The following TMED6 variants were observed in gnomAD, a reference collection of about 807,000 sequenced individuals.
TMED6 encodes the protein transmembrane p24 trafficking protein 6, also known as transmembrane emp24 domain-containing protein 6.
In TMED6, 17 loss-of-function variants were observed where a neutral mutation model predicts 26.5. The observed-to-expected ratio is 0.64, with a 90% CI of 0.44 to 0.96. The LOEUF (loss-of-function observed/expected upper bound fraction) is 0.96, where lower values mean the gene tolerates loss of function less well. Among genes scored for constraint, TMED6 ranks in the 40% least tolerant of loss-of-function variants. The probability of loss-of-function intolerance (pLI) is 0.00; values close to 1 mark genes in which losing one functional copy is unlikely to be tolerated. For missense variants in TMED6, 309 were observed against 296.5 expected (o/e 1.04, Z -0.31); for synonymous variants, 107 against 106.2 (o/e 1.01, Z -0.04).
rs552441845 is a variant in TMED6 at position 69,350,779 on chromosome 16, T to C, written c.213+762A>G. ...AGCTTAGTAGTGGCTGCTGTTCTAATAGAAATTCAGAGGTAAGAAAAGTCT... is the reference window on the plus strand; with the variant it reads ...AGCTTAGTAGTGGCTGCTGTTCTAACAGAAATTCAGAGGTAAGAAAAGTCT... On this transcript the variant is annotated intron_variant, in intron 1 of 3. Transcript: ENST00000288025. Among the ~76,000 whole-genome samples the C allele has an allele frequency of 6.6e-5, 10 of 152,294 alleles. No individual in the cohort carries two copies. In the South Asian group the frequency reaches 1.9e-3, roughly 28 times the overall value.
intron 3 of TMED6, among the ~76,000 whole-genome samples, chr16:69,347,206 T>TA (rs1294451500): frequency 6.6e-6 from 1 of 152,178 alleles, no homozygotes; most frequent in Non-Finnish European, 1.5e-5. Flanking sequence ...GTGAATATAC[T>TA]AAAAAACCAC....
At chr16:69,347,067 T>C (rs545307622) in intron 3 of TMED6, among the ~76,000 whole-genome samples, 40 of 152,060 alleles carry the variant, frequency 2.6e-4, no homozygotes, top group African/African-American at 8.9e-4. Context: ...GGTAAATCTA[T>C]AGAGACAGTA....
At chr16:69,351,446 A>T in intron 1 of TMED6, 95 bp downstream of exon 1, 1 of 1,172,524 alleles carries the variant, frequency 8.5e-7, no homozygotes, top group South Asian at 1.4e-5. Flanking sequence ...AGCATAATAA[A>T]GACAACCAGA....
intron 2 of TMED6, 101 bp from the exon 3 acceptor site, chr16:69,348,037 G>T: frequency 7.9e-7 from 1 of 1,262,412 alleles, no homozygotes; most frequent in Non-Finnish European, 1.1e-6. Context: ...TCTACTACAG[G>T]ACCTTCTTTT....
chr16:69,346,396 T>G (rs76937793), intron 3 of TMED6, among the ~76,000 whole-genome samples: 2 of 152,226 alleles, frequency 1.3e-5, no homozygotes, highest in Non-Finnish European at 1.5e-5. Context: ...AAAGAGAGTA[T>G]TATTCAGCCA....
Position 69,343,381 on chromosome 16 carries a change from AG to A in TMED6, c.*25del. 1 of 1,587,766 alleles carries A rather than the reference AG, an allele frequency of 6.3e-7. No individual in the cohort carries two copies. The highest frequency in any genetic ancestry group is 1.1e-5 in the South Asian group (1 of 89,032). ...ATTCGACTAAGCCCCAGAAGAAAAC[AG>A]CCAGGGTGCTATAGTCACCTTAGCT... On this transcript the variant is annotated 3_prime_UTR_variant, in exon 4 of 4. Coordinates refer to ENST00000288025, the MANE Select transcript of TMED6 (RefSeq NM_144676.4).
rs115830108 is a variant in TMED6, at chr16:69,347,999, G to C, written c.341-63C>G. 433 of 1,562,406 alleles carry C rather than the reference G, an allele frequency of 2.8e-4. No homozygotes were observed. In the African/African-American group the frequency reaches 5.1e-3, roughly 19 times the overall value. ...TCCTCCCCTTTGTTAAGGATTCCCT[G>C]GAGGTATCTGTCCTCTAGTTTTGGA... On this transcript the variant is annotated intron_variant, in intron 2 of 3. Coordinates refer to ENST00000288025, the MANE Select transcript of TMED6 (RefSeq NM_144676.4).
chr16:69,351,550 G>A lies in TMED6; in HGVS notation c.204C>T (p.Phe68=), dbSNP rs1597233740. The part of the protein sequence containing the change: ...QFAHQTGYFY[F]SYEVQRTVGM... ...CCAGTCACCCACATACCTCGTAACTGAAATAGAAGTATCCAGTCTGGTGGG... is the reference window on the plus strand; with the variant it reads ...CCAGTCACCCACATACCTCGTAACTAAAATAGAAGTATCCAGTCTGGTGGG... The change falls in exon 1 of 4, where the codon TTC becomes TTT. Residue 68 remains phenylalanine (F), a synonymous_variant. Transcript: ENST00000288025. The A allele has an allele frequency of 6.2e-7, 1 of 1,614,036 alleles. No homozygotes were observed. The highest frequency in any genetic ancestry group is 1.7e-5 in the Admixed American group (1 of 60,000).
intron 1 of TMED6, 134 bp from the exon 2 acceptor site, chr16:69,349,785 G>A: frequency 1.8e-6 from 2 of 1,116,126 alleles, no homozygotes; most frequent in Admixed American, 2.5e-5. Context: ...ACCCCCTGCT[G>A]GGGTTTGGAG....
chr16:69,346,601 TAAAAATGC>T (rs1053800706), intron 3 of TMED6, among the ~76,000 whole-genome samples: 1 of 152,024 alleles, frequency 6.6e-6, no homozygotes, highest in Non-Finnish European at 1.5e-5. Context: ...CTGTCTCTAC[TAAAAATGC>T]AAAAATTAGC....
chr16:69,343,903 A>C (rs1050442936), intron 3 of TMED6, among the ~76,000 whole-genome samples: 1 of 152,164 alleles, frequency 6.6e-6, no homozygotes, highest in African/African-American at 2.4e-5. Context: ...GTCACAGCTC[A>C]CTGCAGCCTC....
At chr16:69,351,501 A>G in intron 1 of TMED6, 40 bp downstream of exon 1, 2 of 1,371,440 alleles carry the variant, frequency 1.5e-6, no homozygotes, top group Non-Finnish European at 2.0e-6. Flanking sequence ...AGTAAAGGAG[A>G]AAAAAAAAAG....
intron 1 of TMED6, among the ~76,000 whole-genome samples, chr16:69,350,251 G>A (rs568194754): frequency 1.4e-5 from 2 of 143,832 alleles, no homozygotes; most frequent in African/African-American, 2.6e-5. Flanking sequence ...CAGCCTGAGC[G>A]ACAGAGCAAC....
intron 3 of TMED6, 123 bp downstream of exon 3, chr16:69,347,665 A>G: frequency 1.4e-6 from 2 of 1,418,598 alleles, no homozygotes; most frequent in Non-Finnish European, 1.9e-6. Context: ...CAGCCAAGTC[A>G]TAATTTATGA....
At chr16:69,350,880 T>G (rs1434163175) in intron 1 of TMED6, among the ~76,000 whole-genome samples, 1 of 152,160 alleles carries the variant, frequency 6.6e-6, no homozygotes. Context: ...TAAACAAAAA[T>G]TAGAAAGTTA....
At chr16:69,346,447 C>T (rs78351259) in intron 3 of TMED6, among the ~76,000 whole-genome samples, 4 of 152,154 alleles carry the variant, frequency 2.6e-5, no homozygotes, top group African/African-American at 4.8e-5. Context: ...CATGGATGAA[C>T]GTTGAGAACA....
chr16:69,345,151 C>G (rs1197394282), intron 3 of TMED6, among the ~76,000 whole-genome samples: 1 of 152,038 alleles, frequency 6.6e-6, no homozygotes, highest in Admixed American at 6.6e-5. Context: ...GTGGCACACG[C>G]CTGTAGTCCC....
intron 2 of TMED6, chr16:69,348,245 A>C (rs1357937235): frequency 4.6e-6 from 1 of 217,272 alleles, no homozygotes; most frequent in Non-Finnish European, 9.3e-6. Flanking sequence ...CAACAGATTG[A>C]GTTGAAGTTA....
At chr16:69,345,678 C>CAAAAAAA (rs34468905) in intron 3 of TMED6, among the ~76,000 whole-genome samples, 16 of 43,402 alleles carry the variant, frequency 3.7e-4, no homozygotes, top group East Asian at 1.3e-3. Flanking sequence ...CTGACTCTCT[C>CAAAAAAA]AAAAAAAAAA....
Sources: gnomAD v4.1 joint callset for allele counts (sites outside exome capture counted in the v4.1 genomes callset) on GRCh38, gnomAD v4.1.1 for gene constraint, MANE v1.5 for transcripts, NCBI Gene and HGNC (gene_info 2026-07-23, HGNC 2026-07-21) for gene names.